The following RNF169 variants were observed in gnomAD, a reference collection of about 807,000 sequenced individuals.
RNF169 encodes ring finger protein 169.
A neutral mutation model predicts 53.9 loss-of-function variants in RNF169; 24 were observed. The ratio of observed to expected loss-of-function variants is 0.45; its 90% CI spans 0.32 to 0.63. The LOEUF is 0.63. RNF169 is among the 20% of genes least tolerant of loss of function. The probability of loss-of-function intolerance (pLI) is 0.04; values close to 1 mark genes in which losing one functional copy is unlikely to be tolerated. For missense variants in RNF169, 883 were observed against 906.2 expected (o/e 0.97, Z 0.33); for synonymous variants, 396 against 363.5 (o/e 1.09, Z -1.02).
rs987652215 is a variant in RNF169, at chr11:74,838,169, C to T, written c.*1439C>T. Reference sequence around the variant, plus strand: ...CCCAAAATGCTAGAACTGGAAGGGACCTTAATGGTTATCTATTCCAGCCTC... The same window carrying T: ...CCCAAAATGCTAGAACTGGAAGGGATCTTAATGGTTATCTATTCCAGCCTC... On this transcript the variant is annotated 3_prime_UTR_variant, in exon 6 of 6. Coordinates refer to ENST00000299563, the MANE Select transcript of RNF169 (RefSeq NM_001098638.2). 2.6e-5 allele frequency: 4 copies of T among 152,168 alleles called. No individual in the cohort carries two copies. The highest frequency in any genetic ancestry group is 9.7e-5 in the African/African-American group (4 of 41,428). The allele number at this position is 152,168 out of a possible 1,614,324, so 9.4% of individuals were successfully genotyped here. A position where few individuals can be genotyped will look rare whatever the true frequency, so the allele number is the denominator to read the frequency against.
At position 74,759,734 on chromosome 11, in the gene RNF169, G is replaced by A. The variant is rs796598769; in HGVS notation, c.502+10352G>A. 3.6e-4 allele frequency among the ~76,000 whole-genome samples: 53 copies of A among 146,410 alleles called. No homozygotes were observed. In the South Asian group the frequency reaches 0.011, roughly 31 times the overall value. ...TGCCAGTATTTTATTGAGGATTTTT[G>A]CATCAATGTTCATCAAGGATATTGG... On this transcript the variant is annotated intron_variant, in intron 1 of 5. Coordinates refer to ENST00000299563, the MANE Select transcript of RNF169 (RefSeq NM_001098638.2).
intron 1 of RNF169, among the ~76,000 whole-genome samples, chr11:74,777,964 AT>A (rs1160337018): frequency 1.3e-5 from 2 of 152,274 alleles, no homozygotes; most frequent in East Asian, 1.9e-4. Context: ...TAATCCAGAG[AT>A]TAGCAAACTA....
In RNF169 at chr11:74,835,972, C is replaced by T. The variant is rs563997969; in HGVS notation, c.1369C>T (p.Pro457Ser). ...LSKATLTSLAPEMGEELLGSE... is the reference protein window; with the variant it reads ...LSKATLTSLASEMGEELLGSE... ...AAAAGCCACTCTTACCTCTCTGGCT[C>T]CTGAAATGGGGGAAGAGTTACTAGG... The change falls in exon 6 of 6, where the codon CCT becomes TCT. Residue 457 changes from proline (P) to serine (S), a missense_variant. Around this residue, in one of 3 missense-constraint regions of RNF169, gnomAD observed 351 missense variants for 337.3 expected, o/e 1.04. Coordinates refer to ENST00000299563, the MANE Select transcript of RNF169 (RefSeq NM_001098638.2). The T allele has an allele frequency of 1.1e-5, 18 of 1,614,046 alleles. No homozygotes were observed. The highest frequency in any genetic ancestry group is 1.4e-5 in the Non-Finnish European group (17 of 1,180,038).
At chr11:74,821,657 C>CAAAAAAAAA (rs1230736435) in intron 4 of RNF169, among the ~76,000 whole-genome samples, 44 of 26,026 alleles carry the variant, frequency 1.7e-3, no homozygotes, top group East Asian at 2.9e-3. Context: ...GACTCCGTCT[C>CAAAAAAAAA]AAAAAAAAAA....
At chr11:74,828,897 A>G (rs763174010) in intron 4 of RNF169, among the ~76,000 whole-genome samples, 15 of 152,244 alleles carry the variant, frequency 9.9e-5, no homozygotes, top group Admixed American at 2.0e-4. Context: ...ACCCTAGAAG[A>G]AAATCTAGGC....
chr11:74,819,106 A>C (rs1183785025), intron 4 of RNF169, among the ~76,000 whole-genome samples: 1 of 151,866 alleles, frequency 6.6e-6, no homozygotes, highest in Non-Finnish European at 1.5e-5. Context: ...AATGCCGGTA[A>C]TGCCATTTCA....
At chr11:74,773,558 A>G (rs2035289112) in intron 1 of RNF169, among the ~76,000 whole-genome samples, 1 of 152,212 alleles carries the variant, frequency 6.6e-6, no homozygotes, top group African/African-American at 2.4e-5. Flanking sequence ...TGTTTCACCT[A>G]CTGAATCCCA....
At chr11:74,786,989 G>C (rs554973046) in intron 1 of RNF169, among the ~76,000 whole-genome samples, 114 of 152,148 alleles carry the variant, frequency 7.5e-4, no homozygotes, top group African/African-American at 2.6e-3. Context: ...TTCTTGTGTT[G>C]GATAGTATAC....
At position 74,749,407 on chromosome 11, in the gene RNF169, G is replaced by C. The variant is rs748489885; in HGVS notation, c.502+25G>C. 4.8e-6 allele frequency: 6 copies of C among 1,242,636 alleles called. No homozygotes were observed. In the East Asian group the frequency reaches 9.2e-5, roughly 19 times the overall value. 77.0% of individuals were successfully genotyped at this position (1,242,636 alleles called of 1,614,324 possible). A position where few individuals can be genotyped will look rare whatever the true frequency, so the allele number is the denominator to read the frequency against. Reference sequence around the variant, plus strand: ...GGTGGAGCTTCCCCACTTCCCCTTAGGGTCTGGAGCGAGGCCGAGCGCGCC... The same window carrying C: ...GGTGGAGCTTCCCCACTTCCCCTTACGGTCTGGAGCGAGGCCGAGCGCGCC... On this transcript the variant is annotated intron_variant, in intron 1 of 5. Coordinates refer to ENST00000299563, the MANE Select transcript of RNF169 (RefSeq NM_001098638.2).
chr11:74,780,186 T>C (rs1565175196), intron 1 of RNF169, among the ~76,000 whole-genome samples: 1 of 152,234 alleles, frequency 6.6e-6, no homozygotes, highest in Non-Finnish European at 1.5e-5. Flanking sequence ...TTCCTTTCTT[T>C]GTAAGATTGT....
intron 4 of RNF169, chr11:74,831,650 C>T (rs2036178966): frequency 6.9e-6 from 1 of 145,410 alleles, no homozygotes; most frequent in South Asian, 2.2e-4. Context: ...TACCAAAACA[C>T]ATATATGAAT....
At position 74,801,203 on chromosome 11, in the gene RNF169, G is replaced by A. The variant is rs543498052; in HGVS notation, c.577-8981G>A. Among the ~76,000 whole-genome samples, 4 of 152,288 alleles carry A rather than the reference G, an allele frequency of 2.6e-5. No homozygotes were observed. The South Asian group carries it at 6.2e-4, about 24-fold the overall frequency. On this transcript the variant is annotated intron_variant, in intron 2 of 5. Transcript: ENST00000299563. Reference sequence around the variant, plus strand: ...AGTCAGATGCTTTGGTGCTATTTATGTGGTTTATCAAGTAAAAGTTATGGC... The same window carrying A: ...AGTCAGATGCTTTGGTGCTATTTATATGGTTTATCAAGTAAAAGTTATGGC...
intron 2 of RNF169, among the ~76,000 whole-genome samples, chr11:74,792,137 A>G (rs1348986961): frequency 1.3e-5 from 2 of 152,182 alleles, no homozygotes; most frequent in Non-Finnish European, 2.9e-5. Context: ...CTTCATTTAT[A>G]TTGGCATTGT....
chr11:74,759,227 TC>T (rs1310677379), intron 1 of RNF169, among the ~76,000 whole-genome samples: 1,450 of 130,042 alleles, frequency 0.011, 27 homozygotes, highest in African/African-American at 0.036. Flanking sequence ...AATGGGGTTT[TC>T]TAGATAAACA....
chr11:74,775,456 C>A (rs2035319459), intron 1 of RNF169, among the ~76,000 whole-genome samples: 1 of 151,404 alleles, frequency 6.6e-6, no homozygotes, highest in East Asian at 1.9e-4. Flanking sequence ...TTTCAGTATT[C>A]AAGTATTTAG....
At chr11:74,765,065 C>A (rs1237121872) in intron 1 of RNF169, among the ~76,000 whole-genome samples, 1 of 151,976 alleles carries the variant, frequency 6.6e-6, no homozygotes, top group Non-Finnish European at 1.5e-5. Context: ...TCAAGTTAGC[C>A]AGATGTGGTG....
intron 4 of RNF169, among the ~76,000 whole-genome samples, chr11:74,827,753 A>G (rs990802769): frequency 1.3e-5 from 2 of 152,234 alleles, no homozygotes; most frequent in Non-Finnish European, 2.9e-5. Flanking sequence ...CAATAGATGC[A>G]GAAATGGCCT....
At chr11:74,835,019 G>T (rs12223829) in intron 5 of RNF169, among the ~76,000 whole-genome samples, 28,794 of 152,004 alleles carry the variant, frequency 0.19, 2,882 homozygotes, top group South Asian at 0.38. Flanking sequence ...GTCTCACTCT[G>T]TTACCTAGGC....
At chr11:74,769,974 A>G (rs1286729454) in intron 1 of RNF169, among the ~76,000 whole-genome samples, 1 of 152,168 alleles carries the variant, frequency 6.6e-6, no homozygotes, top group African/African-American at 2.4e-5. Flanking sequence ...TATTTTTAGT[A>G]CTATACAGGG....
Sources: gnomAD v4.1 joint callset for allele counts (sites outside exome capture counted in the v4.1 genomes callset) on GRCh38, gnomAD v4.1.1 for gene constraint, gnomAD v4.1.1 regional missense constraint, MANE v1.5 for transcripts, NCBI Gene and HGNC (gene_info 2026-07-23, HGNC 2026-07-21) for gene names.